Variants in ESCO1 observed in about 807,000 individuals in gnomAD.
ESCO1 encodes the protein establishment of sister chromatid cohesion N-acetyltransferase 1.
A neutral mutation model predicts 83.5 loss-of-function variants in ESCO1; 33 were observed. The ratio of observed to expected loss-of-function variants is 0.40; its 90% CI spans 0.30 to 0.53. ESCO1 has a LOEUF of 0.53. Ranked by LOEUF, ESCO1 falls within the 20% of genes least tolerant of loss-of-function variation. The pLI, the probability that ESCO1 is intolerant of heterozygous loss-of-function variation, is 0.63. For missense variants in ESCO1, 855 were observed against 968.0 expected (o/e 0.88, Z 1.55); for synonymous variants, 332 against 324.3 (o/e 1.02, Z -0.25).
At chr18:21,555,068 C>A (rs1033710616) in intron 8 of ESCO1, among the ~76,000 whole-genome samples, 1 of 152,140 alleles carries the variant, frequency 6.6e-6, no homozygotes, top group Non-Finnish European at 1.5e-5. Context: ...TGCACTCCAG[C>A]CTGTGTGACA....
At chr18:21,581,265 G>A (rs2038498500) in intron 2 of ESCO1, among the ~76,000 whole-genome samples, 1 of 147,098 alleles carries the variant, frequency 6.8e-6, no homozygotes, top group African/African-American at 2.5e-5. Context: ...AGCTTGCAGT[G>A]AGCCGAGACT....
chr18:21,539,956 C>G lies in ESCO1; in HGVS notation c.2007G>C (p.Met669Ile). 6.2e-7 allele frequency: 1 copy of G among 1,613,442 alleles called. No homozygotes were observed. Among genetic ancestry groups the G allele is most frequent in the Non-Finnish European group, 8.5e-7 (1 of 1,179,822 alleles). Residue 669 changes from methionine to isoleucine, a missense_variant, in exon 9 of 12, where the codon ATG becomes ATC. By Grantham distance (10) the Met-to-Ile change is conservative. Transcript: ENST00000269214. Reference protein sequence around the residue: ...LAEYPDGRIIMVLPEDPKYAL... With the variant: ...LAEYPDGRIIIVLPEDPKYAL... Reference sequence around the variant, plus strand: ...CATACTTTGGGTCTTCAGGAAGAACCATTATTATCCTGCCATCAGGGTATT... The same window carrying G: ...CATACTTTGGGTCTTCAGGAAGAACGATTATTATCCTGCCATCAGGGTATT...
intron 8 of ESCO1, among the ~76,000 whole-genome samples, chr18:21,549,758 G>A (rs1045290723): frequency 3.3e-5 from 5 of 152,026 alleles, no homozygotes; most frequent in Admixed American, 1.3e-4. Context: ...CCTGAGGTCA[G>A]GAGTTCAAGG....
chr18:21,568,977 G>A (rs779783864), intron 4 of ESCO1, among the ~76,000 whole-genome samples: 3 of 151,168 alleles, frequency 2.0e-5, no homozygotes, highest in Non-Finnish European at 4.4e-5. Flanking sequence ...CTCCATTAAT[G>A]TGGCTACCAG....
intron 1 of ESCO1, among the ~76,000 whole-genome samples, chr18:21,596,128 C>T (rs539519813): frequency 3.8e-4 from 58 of 151,808 alleles, no homozygotes; most frequent in Non-Finnish European, 7.8e-4. Flanking sequence ...GTGGCTCAGA[C>T]CCATAATACC....
At chr18:21,548,425 G>A (rs1179634030) in intron 8 of ESCO1, among the ~76,000 whole-genome samples, 4 of 151,994 alleles carry the variant, frequency 2.6e-5, no homozygotes, top group African/African-American at 4.8e-5. Flanking sequence ...AGCCTGAGAG[G>A]TTGAGGCTGC....
chr18:21,596,669 C>G lies in ESCO1; in HGVS notation c.-825+3954G>C, dbSNP rs145943172. Among the ~76,000 whole-genome samples the G allele has an allele frequency of 9.9e-5, 15 of 151,938 alleles. No individual in the cohort carries two copies. The East Asian group carries it at 2.9e-3, about 29-fold the overall frequency. The stretch of plus-strand genomic sequence containing the variant: ...CCAACATGGTAAAACCCCGTCTCCA[C>G]AAAAATATAAAAAAAACTAGCTAGG... On this transcript the variant is annotated intron_variant, in intron 1 of 11. Coordinates refer to ENST00000269214, the MANE Select transcript of ESCO1 (RefSeq NM_052911.3).
chr18:21,534,690 T>C (rs1416311355), intron 10 of ESCO1, among the ~76,000 whole-genome samples: 3 of 151,306 alleles, frequency 2.0e-5, no homozygotes, highest in Admixed American at 1.3e-4. Context: ...TTCAGTGGCA[T>C]GATATTAGCT....
chr18:21,594,038 T>C (rs1056827343), intron 1 of ESCO1, among the ~76,000 whole-genome samples: 1 of 152,156 alleles, frequency 6.6e-6, no homozygotes, highest in Non-Finnish European at 1.5e-5. Context: ...GCAGCCTGTT[T>C]AGCAAGAGCA....
At chr18:21,530,593 CTAAAAA>C in intron 11 of ESCO1, 103 bp from the exon 12 acceptor site, 1 of 1,169,046 alleles carries the variant, frequency 8.6e-7, no homozygotes, top group Non-Finnish European at 1.2e-6. Context: ...TACAATTTGA[CTAAAAA>C]AGCTTTTTAG....
chr18:21,599,597 C>G (rs1206063947), intron 1 of ESCO1, among the ~76,000 whole-genome samples: 1 of 152,200 alleles, frequency 6.6e-6, no homozygotes, highest in African/African-American at 2.4e-5. Flanking sequence ...GTAATACTAT[C>G]TAGATACTGT....
chr18:21,560,786 G>A (rs1467803120), intron 8 of ESCO1, 73 bp downstream of exon 8: 1 of 1,534,306 alleles, frequency 6.5e-7, no homozygotes, highest in East Asian at 2.3e-5. Flanking sequence ...ATTTAAATTT[G>A]GCAACTCATC....
At chr18:21,563,028 C>T (rs1290405027) in intron 7 of ESCO1, among the ~76,000 whole-genome samples, 4 of 151,702 alleles carry the variant, frequency 2.6e-5, no homozygotes, top group South Asian at 4.2e-4. Flanking sequence ...CGAATCACCA[C>T]GCCCAGCTAA....
chr18:21,587,503 C>T (rs370626230), intron 1 of ESCO1, among the ~76,000 whole-genome samples: 2 of 152,126 alleles, frequency 1.3e-5, no homozygotes, highest in African/African-American at 2.4e-5. Context: ...TCTAGGTTAT[C>T]GAAATGGTTA....
At position 21,574,758 on chromosome 18, in the gene ESCO1, T is replaced by C. The variant is rs2038396907; in HGVS notation, c.86A>G (p.Gln29Arg). 1.9e-6 allele frequency: 3 copies of C among 1,607,550 alleles called. No homozygotes were observed. Among genetic ancestry groups the C allele is most frequent in the Admixed American group, 3.4e-5 (2 of 59,638 alleles). Residue 29 changes from glutamine to arginine, a missense_variant, in exon 4 of 12, where the codon CAG (glutamine) becomes CGG (arginine). Gln to Arg is a conservative substitution (Grantham distance 43). Around this residue, in one of 2 missense-constraint regions of ESCO1, gnomAD observed 726 missense variants for 699.5 expected, o/e 1.04. Coordinates refer to ENST00000269214, the MANE Select transcript of ESCO1 (RefSeq NM_052911.3). ...SDDKNSETEI[Q>R]DSQKNLAKKS... ...TTTTGCTAGATTCTTTTGAGAATCC[T>C]GAATTTCTGTTTCTGAATTCTTATC...
rs1192534759 is a variant in ESCO1 at position 21,579,794 on chromosome 18, G to GCGCGCACACACA, written c.-693-4018_-693-4017insTGTGTGTGCGCG. ...CTGACACACACACACACGCGCGCGCGCACACACACACACACACACACACAC... is the reference window on the plus strand; with the variant it reads ...CTGACACACACACACACGCGCGCGCGCGCGCACACACACACACACACACACACACACACACAC... On this transcript the variant is annotated intron_variant, in intron 2 of 11. Coordinates refer to ENST00000269214, the MANE Select transcript of ESCO1 (RefSeq NM_052911.3). 1.6e-4 allele frequency among the ~76,000 whole-genome samples: 6 copies of GCGCGCACACACA among 37,166 alleles called. No individual in the cohort carries two copies. In the East Asian group the frequency reaches 3.8e-3, roughly 24 times the overall value. 24.4% of individuals were successfully genotyped at this position (37,166 alleles called of 152,430 possible).
Position 21,575,290 on chromosome 18 carries a change from C to T in ESCO1, c.-447G>A. 2.5e-6 allele frequency: 1 copy of T among 393,638 alleles called. No individual in the cohort carries two copies. The highest frequency in any genetic ancestry group is 4.5e-6 in the Non-Finnish European group (1 of 223,108). 24.4% of individuals were successfully genotyped at this position (393,638 alleles called of 1,614,324 possible). On this transcript the variant is annotated 5_prime_UTR_variant, in exon 4 of 12. Coordinates refer to ENST00000269214, the MANE Select transcript of ESCO1 (RefSeq NM_052911.3). ...TCTTCTGAAGTCTACAGTTATTGGACTTCGATTCACTTGAAACATGTCTTA... is the reference window on the plus strand; with the variant it reads ...TCTTCTGAAGTCTACAGTTATTGGATTTCGATTCACTTGAAACATGTCTTA...
Position 21,560,859 on chromosome 18 carries a change from C to T in ESCO1, c.1953G>A (p.Val651=). The T allele has an allele frequency of 6.3e-7, 1 of 1,598,680 alleles. No individual in the cohort carries two copies. Among genetic ancestry groups the T allele is most frequent in the Non-Finnish European group, 8.5e-7 (1 of 1,175,830 alleles). Residue 651 remains valine (V), a splice_region_variant and synonymous_variant, in exon 8 of 12, where the codon GTG becomes GTA. Coordinates refer to ENST00000269214, the MANE Select transcript of ESCO1 (RefSeq NM_052911.3). ...HNQFISAVKY[V]GWKKERILAE... is the part of the protein sequence containing the mutation. ...TTTAGAATTCACAAATTCCACTTAC[C>T]ACATATTTAACAGCACTTATAAACT...
At chr18:21,569,408 C>T (rs2038309166) in intron 4 of ESCO1, among the ~76,000 whole-genome samples, 2 of 151,840 alleles carry the variant, frequency 1.3e-5, no homozygotes, top group South Asian at 2.1e-4. Context: ...ACCATCCTGG[C>T]CAACACAGTG....
Sources: allele counts gnomAD v4.1 joint callset (sites outside exome capture counted in the v4.1 genomes callset), GRCh38; gene constraint gnomAD v4.1.1; regional missense constraint gnomAD v4.1.1; transcripts MANE v1.5; gene names NCBI Gene and HGNC (gene_info 2026-07-23, HGNC 2026-07-21).